Variants in WDR33 observed in about 807,000 individuals in gnomAD.
WDR33 encodes pre-mRNA 3' end processing protein WDR33.
Under a neutral mutation model 164.9 loss-of-function variants are expected in WDR33, and 47 were observed. That is an observed-to-expected ratio of 0.29 (90% CI 0.23 to 0.36). WDR33 has a LOEUF of 0.36. WDR33 is among the 10% of genes least tolerant of loss of function. The pLI, the probability that WDR33 is intolerant of heterozygous loss-of-function variation, is 1.00. For missense variants in WDR33, 1,137 were observed against 1,754.1 expected, an observed-to-expected ratio of 0.65 and a Z score of 6.28; for synonymous variants, 505 against 589.0, an observed-to-expected ratio of 0.86 and a Z score of 2.06.
rs1223797911 is a variant in WDR33, at chr2:127,704,101, G to C, written c.*2222C>G. 6.0e-6 allele frequency: 1 copy of C among 166,536 alleles called. No individual in the cohort carries two copies. Among genetic ancestry groups the C allele is most frequent in the Non-Finnish European group, 1.5e-5 (1 of 68,084 alleles). The allele number at this position is 166,536 out of a possible 1,614,324, so 10.3% of individuals were successfully genotyped here. On this transcript the variant is annotated 3_prime_UTR_variant, in exon 22 of 22. Coordinates refer to ENST00000322313, the MANE Select transcript of WDR33 (RefSeq NM_018383.5). ...ATCACACCACTGCACCACAGCCTAGGCAACAGCGAGACCTTGTCTCAAAAA... is the reference window on the plus strand; with the variant it reads ...ATCACACCACTGCACCACAGCCTAGCCAACAGCGAGACCTTGTCTCAAAAA...
chr2:127,701,681 G>A lies in WDR33; in HGVS notation c.*4642C>T. 7.7e-7 allele frequency: 1 copy of A among 1,300,230 alleles called. No homozygotes were observed. The highest frequency in any genetic ancestry group is 9.7e-7 in the Non-Finnish European group (1 of 1,029,894). 80.5% of individuals were successfully genotyped at this position (1,300,230 alleles called of 1,614,324 possible). A position where few individuals can be genotyped will look rare whatever the true frequency, so the allele number is the denominator to read the frequency against. On this transcript the variant is annotated 3_prime_UTR_variant, in exon 22 of 22. Transcript: ENST00000322313. The stretch of plus-strand genomic sequence containing the variant: ...GGCTGGGCCGCGCGGGCTTGCGCTG[G>A]ACGTGGGCGCGGAGCCCTGCGGAGT...
At chr2:127,745,413 T>A (rs904495266) in intron 7 of WDR33, among the ~76,000 whole-genome samples, 1 of 152,150 alleles carries the variant, frequency 6.6e-6, no homozygotes, top group African/African-American at 2.4e-5. Context: ...TCAACCAACA[T>A]ACTGAACACA....
chr2:127,783,599 C>CTTTTTTTTTTTTTTTTT (rs35345585), intron 1 of WDR33, among the ~76,000 whole-genome samples: 3 of 84,414 alleles, frequency 3.6e-5, no homozygotes, highest in African/African-American at 1.5e-4. Flanking sequence ...TTCAGGACTC[C>CTTTTTTTTTTTTTTTTT]TTTTTTTTTT....
intron 7 of WDR33, among the ~76,000 whole-genome samples, chr2:127,748,894 A>G (rs1436023038): frequency 6.6e-6 from 1 of 151,752 alleles, no homozygotes; most frequent in Non-Finnish European, 1.5e-5. Flanking sequence ...TAAAAAAAAA[A>G]AAAAAAAAAA....
chr2:127,702,448 ATTAGAAGTTGCTTTCGAAG>A lies in WDR33; in HGVS notation c.*3856_*3874del, dbSNP rs1200224970. On this transcript the variant is annotated 3_prime_UTR_variant, in exon 22 of 22. Coordinates refer to ENST00000322313, the MANE Select transcript of WDR33 (RefSeq NM_018383.5). ...ACTGGTGACAGGATGTGAGACGGTT[ATTAGAAGTTGCTTTCGAAG>A]TAACTGTGGTCTTAGGTTCGGCTGA... The A allele has an allele frequency of 7.0e-5, 18 of 257,158 alleles. No individual in the cohort carries two copies. The highest frequency in any genetic ancestry group is 3.9e-4 in the African/African-American group (17 of 44,022). The allele number at this position is 257,158 out of a possible 1,614,324, so 15.9% of individuals were successfully genotyped here. A position where few individuals can be genotyped will look rare whatever the true frequency, so the allele number is the denominator to read the frequency against.
rs1686000423 is a variant in WDR33 at position 127,706,018 on chromosome 2, CTT to C, written c.*303_*304del. 6.0e-6 allele frequency: 2 copies of C among 331,916 alleles called. No individual in the cohort carries two copies. Among genetic ancestry groups the C allele is most frequent in the Non-Finnish European group, 1.1e-5 (2 of 184,198 alleles). 20.6% of individuals were successfully genotyped at this position (331,916 alleles called of 1,614,324 possible). A position where few individuals can be genotyped will look rare whatever the true frequency, so the allele number is the denominator to read the frequency against. The stretch of plus-strand genomic sequence containing the variant: ...AAACAAATTTCCAAATGGACAGGAA[CTT>C]AAATTTGTGGAGATGCCCCATGTCT... On this transcript the variant is annotated 3_prime_UTR_variant, in exon 22 of 22. Transcript: ENST00000322313. The surrounding 1 kb of genome is among the most constrained non-coding windows in gnomAD (Gnocchi z 5.1).
At chr2:127,767,709 T>C (rs1220437549) in intron 4 of WDR33, among the ~76,000 whole-genome samples, 1 of 152,100 alleles carries the variant, frequency 6.6e-6, no homozygotes, top group Non-Finnish European at 1.5e-5. Flanking sequence ...AGTGAGACTC[T>C]GTCTAAAAAA....
At chr2:127,737,981 T>G (rs1405947433) in intron 7 of WDR33, 1 of 1,610,264 alleles carries the variant, frequency 6.2e-7, no homozygotes, top group Non-Finnish European at 8.5e-7. Flanking sequence ...TGTGGCTCCC[T>G]AAACTTTGTC....
chr2:127,719,341 G>A lies in WDR33; in HGVS notation c.2684C>T (p.Pro895Leu). 2.0e-6 allele frequency: 3 copies of A among 1,505,188 alleles called. No individual in the cohort carries two copies. The highest frequency in any genetic ancestry group is 2.3e-5 in the East Asian group (1 of 43,536). The allele number at this position is 1,505,188 out of a possible 1,614,324, so 93.2% of individuals were successfully genotyped here. The change falls in exon 16 of 22, where the codon CCA becomes CTA. Residue 895 changes from proline to leucine, a missense_variant. Transcript: ENST00000322313. The surrounding 1 kb of genome is among the most constrained non-coding windows in gnomAD (Gnocchi z 6.5). ...GQQNPARGPH[P>L]SQGPIPFQQQ... The stretch of plus-strand genomic sequence containing the variant: ...CTGGAATGGTATTGGCCCTTGAGAT[G>A]GATGTGGCCCTCTTGCTGGGTTCTG...
Position 127,775,211 on chromosome 2 carries a change from C to T in WDR33, c.-23-4207G>A, listed in dbSNP as rs534566615. ...TAAAAAAAAAAATTTTTTTTTGAGA[C>T]GGAGTCTCACTGTATTGCCCAGGCA... On this transcript the variant is annotated intron_variant, in intron 1 of 21. Transcript: ENST00000322313. Among the ~76,000 whole-genome samples, 29 of 152,048 alleles carry T rather than the reference C, an allele frequency of 1.9e-4. No individual in the cohort carries two copies. In the South Asian group the frequency reaches 5.2e-3, roughly 27 times the overall value.
chr2:127,723,034 T>C lies in WDR33; in HGVS notation c.1302A>G (p.Glu434=). The change falls in exon 13 of 22, where the codon GAA becomes GAG. Residue 434 remains glutamate, a synonymous_variant. Transcript: ENST00000322313. This position sits in a 1 kb window ranked among gnomAD's most constrained non-coding sequence, Gnocchi z 5.9. Reference sequence around the variant, plus strand: ...CTGGAATTACTGCCAGGCTATTAGGTTCGAGGTCATCTATAAATAGTAATA... The same window carrying C: ...CTGGAATTACTGCCAGGCTATTAGGCTCGAGGTCATCTATAAATAGTAATA... The part of the protein sequence containing the change: ...SEDGVEYDDL[E]PNSLAVIPGM... The C allele has an allele frequency of 3.1e-6, 5 of 1,609,590 alleles. No homozygotes were observed. The highest frequency in any genetic ancestry group is 2.5e-6 in the Non-Finnish European group (3 of 1,178,724).
intron 1 of WDR33, among the ~76,000 whole-genome samples, chr2:127,797,086 T>C (rs1007756984): frequency 6.6e-6 from 1 of 152,046 alleles, no homozygotes; most frequent in Non-Finnish European, 1.5e-5. Flanking sequence ...GGGAAAATTT[T>C]CCTTGCAAAT....
intron 7 of WDR33, among the ~76,000 whole-genome samples, chr2:127,733,982 A>C (rs1473520640): frequency 6.6e-6 from 1 of 152,182 alleles, no homozygotes; most frequent in Non-Finnish European, 1.5e-5. Context: ...TCCTGTCTTC[A>C]TCTCACTAAA....
At position 127,702,323 on chromosome 2, in the gene WDR33, C is replaced by T; in HGVS notation, c.*4000G>A. On this transcript the variant is annotated 3_prime_UTR_variant, in exon 22 of 22. Transcript: ENST00000322313. ...GCCTGCGAGTCTAATCCGGGAGCGG[C>T]TGCTGCCAGCGGAGGCGACAGCAGC... is the stretch of plus-strand genomic sequence containing the variant. 1.2e-6 allele frequency: 1 copy of T among 864,060 alleles called. No homozygotes were observed. Among genetic ancestry groups the T allele is most frequent in the Non-Finnish European group, 1.5e-6 (1 of 663,018 alleles). 53.5% of individuals were successfully genotyped at this position (864,060 alleles called of 1,614,324 possible).
Position 127,714,391 on chromosome 2 carries a change from A to C in WDR33, c.2870-370T>G, listed in dbSNP as rs1320365177. ...CATTAGGGCCACCTGCTCCACATCC[A>C]AGGAGGACACAACAGAGGAAATTAA... On this transcript the variant is annotated intron_variant, in intron 17 of 21. Coordinates refer to ENST00000322313, the MANE Select transcript of WDR33 (RefSeq NM_018383.5). This position sits in a 1 kb window ranked among gnomAD's most constrained non-coding sequence, Gnocchi z 4.3. Among the ~76,000 whole-genome samples, 1 of 152,180 alleles carries C rather than the reference A, an allele frequency of 6.6e-6. No individual in the cohort carries two copies. The highest frequency in any genetic ancestry group is 2.4e-5 in the African/African-American group (1 of 41,442).
chr2:127,810,657 C>A (rs72846298), intron 1 of WDR33: 9,965 of 152,346 alleles, frequency 0.065, 435 homozygotes, highest in Middle Eastern at 0.16. Flanking sequence ...CCAACTACTT[C>A]AACTCGGCCC....
chr2:127,804,293 A>G (rs889264248), intron 1 of WDR33, among the ~76,000 whole-genome samples: 2 of 152,176 alleles, frequency 1.3e-5, no homozygotes, highest in African/African-American at 4.8e-5. Context: ...CCTGGGAGAC[A>G]GAGCGAGACT....
At position 127,719,613 on chromosome 2, in the gene WDR33, G is replaced by C; in HGVS notation, c.2412C>G (p.Gly804=). Residue 804 remains glycine, a synonymous_variant, in exon 16 of 22, where the codon GGC becomes GGG. Coordinates refer to ENST00000322313, the MANE Select transcript of WDR33 (RefSeq NM_018383.5). The surrounding 1 kb of genome is among the most constrained non-coding windows in gnomAD (Gnocchi z 6.5). ...QGPAPQGMIM[G]HPPQEMRGPH... is the part of the protein sequence containing the mutation. The stretch of plus-strand genomic sequence containing the variant: ...GTCCTCTCATCTCTTGAGGCGGGTG[G>C]CCCATAATCATCCCTTGGGGAGCAG... The C allele has an allele frequency of 6.2e-7, 1 of 1,613,710 alleles. No individual in the cohort carries two copies. The highest frequency in any genetic ancestry group is 8.5e-7 in the Non-Finnish European group (1 of 1,179,940).
chr2:127,760,563 G>A (rs1037047135), intron 7 of WDR33, among the ~76,000 whole-genome samples: 1 of 152,144 alleles, frequency 6.6e-6, no homozygotes, highest in Non-Finnish European at 1.5e-5. Context: ...ACTCACTAAG[G>A]GGAGGATGGG....
Sources: gnomAD v4.1 joint callset for allele counts (sites outside exome capture counted in the v4.1 genomes callset) on GRCh38, gnomAD v4.1.1 for gene constraint, Gnocchi (gnomAD v3.1) non-coding constraint, MANE v1.5 for transcripts, NCBI Gene and HGNC (gene_info 2026-07-23, HGNC 2026-07-21) for gene names.